Variants in LPCAT1 observed in about 807,000 individuals in gnomAD.
LPCAT1 encodes the protein lysophosphatidylcholine acyltransferase 1.
In LPCAT1, 23 loss-of-function variants were observed where a neutral mutation model predicts 60.9. That is an observed-to-expected ratio of 0.38 (90% CI 0.27 to 0.53). The LOEUF is 0.53. Ranked by LOEUF, LPCAT1 falls within the 20% of genes least tolerant of loss-of-function variation. The pLI, the probability that LPCAT1 is intolerant of heterozygous loss-of-function variation, is 0.82. For missense variants in LPCAT1, 622 were observed against 723.6 expected (o/e 0.86, Z 1.61); for synonymous variants, 340 against 301.1 (o/e 1.13, Z -1.34).
At chr5:1,475,500 C>T (rs1028591534) in intron 9 of LPCAT1, among the ~76,000 whole-genome samples, 2 of 152,234 alleles carry the variant, frequency 1.3e-5, no homozygotes, top group Admixed American at 1.3e-4. Context: ...GCACTGCACA[C>T]GTGCCATTCA....
At chr5:1,518,849 G>A (rs1056092212) in intron 1 of LPCAT1, among the ~76,000 whole-genome samples, 3 of 152,230 alleles carry the variant, frequency 2.0e-5, no homozygotes, top group South Asian at 4.1e-4. Context: ...TTAGAGTTCC[G>A]GAGCCACGAC....
At chr5:1,509,737 A>G (rs1281421224) in intron 1 of LPCAT1, among the ~76,000 whole-genome samples, 1 of 152,256 alleles carries the variant, frequency 6.6e-6, no homozygotes, top group African/African-American at 2.4e-5. Context: ...CGCTGCCTTC[A>G]AATATGGAAT....
In LPCAT1 at chr5:1,477,834, C is replaced by T. The variant is rs1352589465; in HGVS notation, c.817-348G>A. 2.8e-4 allele frequency among the ~76,000 whole-genome samples: 5 copies of T among 17,990 alleles called. No homozygotes were observed. The East Asian group carries it at 9.8e-3, about 35-fold the overall frequency. The allele number at this position is 17,990 out of a possible 152,430, so 11.8% of individuals were successfully genotyped here. On this transcript the variant is annotated intron_variant, in intron 8 of 13. Coordinates refer to ENST00000283415, the MANE Select transcript of LPCAT1 (RefSeq NM_024830.5). This position sits in a 1 kb window ranked among gnomAD's most constrained non-coding sequence, Gnocchi z 6.0. The stretch of plus-strand genomic sequence containing the variant: ...TGGCTCTCTGATCTACACTCACCCC[C>T]GTCAGTGCTCCTGGGAGCGCCTGCT...
In LPCAT1 at chr5:1,500,923, A is replaced by G. The variant is rs559535702; in HGVS notation, c.278+538T>C. On this transcript the variant is annotated intron_variant, in intron 2 of 13. Transcript: ENST00000283415. ...GTCCAGCTGCCTCTGCATGGGGGCCACTGAGGCAGGGACCTCCCTAGGCAG... is the reference window on the plus strand; with the variant it reads ...GTCCAGCTGCCTCTGCATGGGGGCCGCTGAGGCAGGGACCTCCCTAGGCAG... Among the ~76,000 whole-genome samples, 16 of 152,280 alleles carry G rather than the reference A, an allele frequency of 1.1e-4. No homozygotes were observed. In the South Asian group the frequency reaches 3.1e-3, roughly 30 times the overall value.
chr5:1,463,897 G>A (rs375110008), intron 13 of LPCAT1, 62 bp from the exon 14 acceptor site: 4 of 1,572,530 alleles, frequency 2.5e-6, no homozygotes, highest in Non-Finnish European at 3.5e-6. Context: ...AGGATTTGGA[G>A]GCTCTTTTCC....
chr5:1,478,928 G>A (rs540806918), intron 8 of LPCAT1, among the ~76,000 whole-genome samples: 1 of 152,388 alleles, frequency 6.6e-6, no homozygotes, highest in East Asian at 1.9e-4. Flanking sequence ...ACCTGGGTCA[G>A]GCTGAGAAGG....
At chr5:1,473,882 T>G in intron 11 of LPCAT1, 75 bp downstream of exon 11, 1 of 1,533,876 alleles carries the variant, frequency 6.5e-7, no homozygotes, top group South Asian at 1.2e-5. Context: ...ATATTTATAT[T>G]AGAATGAGAA....
chr5:1,484,022 T>C (rs1454083562), intron 5 of LPCAT1, among the ~76,000 whole-genome samples: 1 of 152,212 alleles, frequency 6.6e-6, no homozygotes, highest in Non-Finnish European at 1.5e-5. Flanking sequence ...GGGTCTGCCC[T>C]CACCAAGCAC....
intron 1 of LPCAT1, among the ~76,000 whole-genome samples, chr5:1,504,280 C>G (rs1401958110): frequency 2.0e-5 from 3 of 152,210 alleles, no homozygotes; most frequent in African/African-American, 7.2e-5. Flanking sequence ...TCTACTGTTA[C>G]TGTTTCATAT....
intron 1 of LPCAT1, among the ~76,000 whole-genome samples, chr5:1,505,500 C>G (rs1736154908): frequency 6.6e-6 from 1 of 152,276 alleles, no homozygotes; most frequent in South Asian, 2.1e-4. Flanking sequence ...GAGCAGCGCC[C>G]CATCCCCAAA....
intron 1 of LPCAT1, among the ~76,000 whole-genome samples, chr5:1,503,730 A>G (rs1736098874): frequency 6.6e-6 from 1 of 151,890 alleles, no homozygotes; most frequent in Non-Finnish European, 1.5e-5. Context: ...CTGTTTATAG[A>G]GTCCCTTTTT....
intron 1 of LPCAT1, among the ~76,000 whole-genome samples, chr5:1,503,266 C>T (rs139809708): frequency 5.9e-4 from 90 of 152,348 alleles, no homozygotes; most frequent in African/African-American, 2.0e-3. Context: ...TCTGTTATCC[C>T]GCCATTGGTG....
In LPCAT1 at chr5:1,479,654, C is replaced by T. The variant is rs1281820673; in HGVS notation, c.783G>A (p.Thr261=). 8 of 1,612,260 alleles carry T rather than the reference C, an allele frequency of 5.0e-6. No individual in the cohort carries two copies. The highest frequency in any genetic ancestry group is 4.4e-5 in the South Asian group (4 of 91,046). Residue 261 remains threonine (T), a synonymous_variant, in exon 8 of 14, where the codon ACG becomes ACA. Transcript: ENST00000283415. ...GPGALEILWL[T]LCQFHNQVEI... is the part of the protein sequence containing the mutation. ...CCACTTGGTTGTGAAACTGACACAG[C>T]GTGAGCCACAGGATTTCCAGCCTTA...
At position 1,523,955 on chromosome 5, in the gene LPCAT1, A is replaced by C; in HGVS notation, c.-111T>G. ...CGGGCCGAGGATGCGCGGCGGCTGG[A>C]GCGGGCCGGGCGCGCAGGCGCGGGA... is the stretch of plus-strand genomic sequence containing the variant. On this transcript the variant is annotated 5_prime_UTR_variant, in exon 1 of 14. Coordinates refer to ENST00000283415, the MANE Select transcript of LPCAT1 (RefSeq NM_024830.5). This position sits in a 1 kb window ranked among gnomAD's most constrained non-coding sequence, Gnocchi z 7.1. 1 of 797,666 alleles carries C rather than the reference A, an allele frequency of 1.3e-6. No individual in the cohort carries two copies. The highest frequency in any genetic ancestry group is 6.2e-4 in the Middle Eastern group (1 of 1,606). 49.4% of individuals were successfully genotyped at this position (797,666 alleles called of 1,614,324 possible).
chr5:1,488,169 G>A (rs140238081), intron 5 of LPCAT1, among the ~76,000 whole-genome samples: 24 of 152,258 alleles, frequency 1.6e-4, no homozygotes, highest in Non-Finnish European at 2.9e-4. Flanking sequence ...CACTGGAAAC[G>A]CCCTGAAACC....
chr5:1,489,354 G>A (rs1016403618), intron 4 of LPCAT1, among the ~76,000 whole-genome samples: 1 of 152,238 alleles, frequency 6.6e-6, no homozygotes, highest in Admixed American at 6.5e-5. Flanking sequence ...CAGGGCTTCT[G>A]AATGCCTGGG....
At chr5:1,469,409 C>T (rs1734577977) in intron 12 of LPCAT1, among the ~76,000 whole-genome samples, 1 of 152,184 alleles carries the variant, frequency 6.6e-6, no homozygotes, top group East Asian at 1.9e-4. Flanking sequence ...TGTTGAGAAA[C>T]AAGGCAACTG....
intron 1 of LPCAT1, among the ~76,000 whole-genome samples, chr5:1,509,608 C>T (rs538965881): frequency 6.6e-5 from 10 of 152,314 alleles, no homozygotes; most frequent in South Asian, 6.2e-4. Flanking sequence ...CACCCACTCC[C>T]GTCCAGCACC....
In LPCAT1 at chr5:1,521,325, A is replaced by G; in HGVS notation, c.135+2385T>C. The G allele has an allele frequency of 1.0e-6, 1 of 985,472 alleles. No homozygotes were observed. Among genetic ancestry groups the G allele is most frequent in the Non-Finnish European group, 1.2e-6 (1 of 829,942 alleles). The allele number at this position is 985,472 out of a possible 1,614,324, so 61.0% of individuals were successfully genotyped here. Reference sequence around the variant, plus strand: ...AGCCCCTCCCAGGCGGCAAATGCTCACAGGTAAATGCAGGTACTCACTGGT... The same window carrying G: ...AGCCCCTCCCAGGCGGCAAATGCTCGCAGGTAAATGCAGGTACTCACTGGT... On this transcript the variant is annotated intron_variant, in intron 1 of 13. Coordinates refer to ENST00000283415, the MANE Select transcript of LPCAT1 (RefSeq NM_024830.5). The surrounding 1 kb of genome is among the most constrained non-coding windows in gnomAD (Gnocchi z 4.3).
Sources: allele counts gnomAD v4.1 joint callset (sites outside exome capture counted in the v4.1 genomes callset), GRCh38; gene constraint gnomAD v4.1.1; non-coding constraint Gnocchi (gnomAD v3.1); transcripts MANE v1.5; gene names NCBI Gene and HGNC (gene_info 2026-07-23, HGNC 2026-07-21).